The following F8 variants were observed in gnomAD, a reference collection of about 807,000 sequenced individuals.
F8 encodes antihemophilic factor.
In F8, 12 loss-of-function variants were observed where a neutral mutation model predicts 140.6. The ratio of observed to expected loss-of-function variants is 0.09; its 90% CI spans 0.05 to 0.14. F8 has a LOEUF of 0.14. F8 is among the 10% of genes least tolerant of loss of function. The probability of loss-of-function intolerance (pLI) is 1.00; values close to 1 mark genes in which losing one functional copy is unlikely to be tolerated. For missense variants in F8, 1,354 were observed against 1,720.7 expected (o/e 0.79, Z 3.77); for synonymous variants, 585 against 614.6 (o/e 0.95, Z 0.71).
At chrX:154,844,464 CATTGA>C (rs1257716960) in intron 25 of F8, among the ~76,000 whole-genome samples, 4 of 111,206 alleles carry the variant, frequency 3.6e-5, no homozygotes, top group Non-Finnish European at 7.5e-5. Context: ...CCTTTTATTT[CATTGA>C]GCAGTGGTTT....
At chrX:154,862,553 C>T (rs2072701278) in intron 23 of F8, among the ~76,000 whole-genome samples, 1 of 110,917 alleles carries the variant, frequency 9.0e-6, no homozygotes, top group African/African-American at 3.3e-5. Flanking sequence ...CCACACCCCC[C>T]TCCCAACCTC....
rs1302950481 is a variant in F8, at chrX:154,934,066, A to G, written c.2114-2390T>C. ...GGGTTTCAAAAGATGACCAGTTTTT[A>G]AGGTAGTGAAGAAAGGGCTGGCCTT... On this transcript the variant is annotated intron_variant, in intron 13 of 25. Coordinates refer to ENST00000360256, the MANE Select transcript of F8 (RefSeq NM_000132.4). Among the ~76,000 whole-genome samples the G allele has an allele frequency of 2.7e-5, 3 of 111,589 alleles. No homozygotes were observed. The East Asian group carries it at 8.5e-4, about 32-fold the overall frequency.
At chrX:154,868,600 T>A (rs1159169726) in intron 22 of F8, among the ~76,000 whole-genome samples, 1 of 111,816 alleles carries the variant, frequency 8.9e-6, no homozygotes, top group African/African-American at 3.3e-5. Flanking sequence ...ACATACCAAA[T>A]TGTAAAGAAC....
intron 20 of F8, among the ~76,000 whole-genome samples, chrX:154,900,932 A>C (rs1471455020): frequency 2.7e-5 from 3 of 112,676 alleles, no homozygotes; most frequent in Non-Finnish European, 5.6e-5. Context: ...TCTTTTTGAC[A>C]ATTATTTAAA....
At position 154,930,836 on chromosome X, in the gene F8, G is replaced by A. The variant is rs1557278710; in HGVS notation, c.2954C>T (p.Ser985Leu). 1.7e-5 allele frequency: 20 copies of A among 1,208,357 alleles called. No homozygotes were observed. The highest frequency in any genetic ancestry group is 2.0e-5 in the Non-Finnish European group (18 of 893,582). The stretch of plus-strand genomic sequence containing the variant: ...TTTAAATAACCTACCACTCTCTGTT[G>A]ACGATACATTTTTTCCCCATGAACT... ...QESSWGKNVS[S>L]TESGRLFKGK... The change falls in exon 14 of 26, where the codon TCA (serine) becomes TTA (leucine). Residue 985 changes from serine to leucine, a missense_variant. Transcript: ENST00000360256.
intron 22 of F8, among the ~76,000 whole-genome samples, chrX:154,891,901 T>C (rs1284175237): frequency 8.9e-6 from 1 of 112,006 alleles, no homozygotes; most frequent in Non-Finnish European, 1.9e-5. Context: ...AGGAGAATAG[T>C]CACTGGTTTG....
intron 5 of F8, 29 bp from the exon 6 acceptor site, chrX:154,984,832 C>A (rs2073550445): frequency 1.8e-6 from 2 of 1,084,944 alleles, no homozygotes; most frequent in African/African-American, 3.7e-5. Context: ...AAGATAGAGT[C>A]AGCTAAGCAT....
chrX:155,010,618 T>C (rs2073702072), intron 1 of F8, among the ~76,000 whole-genome samples: 1 of 111,508 alleles, frequency 9.0e-6, no homozygotes, highest in Non-Finnish European at 1.9e-5. Flanking sequence ...AATAAATTAA[T>C]GATGTATTCC....
At chrX:154,964,267 C>A (rs923191294) in intron 9 of F8, among the ~76,000 whole-genome samples, 2 of 110,663 alleles carry the variant, frequency 1.8e-5, no homozygotes, top group African/African-American at 6.6e-5. Context: ...AAAAGTAACT[C>A]AAAATACACA....
At chrX:154,925,701 A>G (rs1459117639) in intron 14 of F8, among the ~76,000 whole-genome samples, 9 of 112,745 alleles carry the variant, frequency 8.0e-5, no homozygotes, top group African/African-American at 2.9e-4. Flanking sequence ...CCCATTTGGA[A>G]TGGCTGTATT....
chrX:154,893,220 G>A (rs1381546981), intron 22 of F8, among the ~76,000 whole-genome samples: 2 of 111,838 alleles, frequency 1.8e-5, no homozygotes, highest in Admixed American at 9.5e-5. Context: ...TATTGATTTC[G>A]GTCTTATGTC....
At chrX:154,926,296 C>G (rs1340528621) in intron 14 of F8, among the ~76,000 whole-genome samples, 2 of 111,918 alleles carry the variant, frequency 1.8e-5, no homozygotes, top group African/African-American at 3.3e-5. Flanking sequence ...GGATCCTTTA[C>G]AGATTAGATG....
At chrX:154,906,062 A>G (rs1317706714) in intron 15 of F8, among the ~76,000 whole-genome samples, 2 of 112,090 alleles carry the variant, frequency 1.8e-5, no homozygotes, top group South Asian at 3.6e-4. Context: ...TATATAGTGA[A>G]AAAAGAAACT....
chrX:154,937,732 C>G (rs1326048621), intron 13 of F8, among the ~76,000 whole-genome samples: 3 of 110,845 alleles, frequency 2.7e-5, no homozygotes, highest in Non-Finnish European at 5.7e-5. Flanking sequence ...TGTGCAAGAC[C>G]TGTACACTAA....
intron 22 of F8, among the ~76,000 whole-genome samples, chrX:154,864,799 G>A (rs28651891): frequency 0.025 from 2,746 of 110,624 alleles, 27 homozygotes; most frequent in Middle Eastern, 0.037. Context: ...TCTAGTTAGC[G>A]GAATAAAAAG....
At chrX:154,951,253 C>T (rs2073336112) in intron 12 of F8, among the ~76,000 whole-genome samples, 1 of 111,945 alleles carries the variant, frequency 8.9e-6, no homozygotes, top group Admixed American at 9.5e-5. Flanking sequence ...ATAAATCCTA[C>T]AATTTTTTAA....
chrX:154,917,708 G>A (rs1481630907), intron 14 of F8, among the ~76,000 whole-genome samples: 12 of 111,054 alleles, frequency 1.1e-4, no homozygotes, highest in African/African-American at 2.6e-4. Context: ...GATCAGTTCC[G>A]CTGTTTAGAC....
intron 22 of F8, among the ~76,000 whole-genome samples, chrX:154,872,844 C>T (rs2072784960): frequency 9.0e-6 from 1 of 111,231 alleles, no homozygotes; most frequent in African/African-American, 3.3e-5. Context: ...TGTAAAGTTG[C>T]AGGATACAAA....
intron 13 of F8, among the ~76,000 whole-genome samples, chrX:154,932,596 T>C (rs781864600): frequency 1.3e-4 from 15 of 111,725 alleles, no homozygotes; most frequent in Non-Finnish European, 2.8e-4. Flanking sequence ...AGCCAAATTA[T>C]CAATCAAGTG....
Sources: allele counts gnomAD v4.1 joint callset (sites outside exome capture counted in the v4.1 genomes callset), GRCh38; gene constraint gnomAD v4.1.1; transcripts MANE v1.5; gene names NCBI Gene and HGNC (gene_info 2026-07-23, HGNC 2026-07-21).